Variants in RAB27A observed in about 807,000 individuals in gnomAD.
RAB27A encodes RAB27A, member RAS oncogene family.
RAB27A carries 17 observed loss-of-function variants against 20.8 expected under a neutral mutation model. The ratio of observed to expected loss-of-function variants is 0.82; its 90% CI spans 0.56 to 1.23. The LOEUF (loss-of-function observed/expected upper bound fraction) is 1.23. Among genes scored for constraint, RAB27A ranks in the 50% most tolerant of loss-of-function variants. The pLI is 0.00. For synonymous variants in RAB27A, 85 were observed against 92.8 expected, an observed-to-expected ratio of 0.92 and a Z score of 0.48; for missense variants, 277 against 266.7, an observed-to-expected ratio of 1.04 and a Z score of -0.27.
At chr15:55,211,017 G>C (rs1161084846) in intron 6 of RAB27A, among the ~76,000 whole-genome samples, 1 of 152,174 alleles carries the variant, frequency 6.6e-6, no homozygotes, top group African/African-American at 2.4e-5. Context: ...TTATTGAAGA[G>C]AATGTCCTTT....
intron 1 of RAB27A, among the ~76,000 whole-genome samples, chr15:55,316,670 T>A (rs896753275): frequency 3.9e-5 from 6 of 151,922 alleles, no homozygotes; most frequent in Non-Finnish European, 7.4e-5. Context: ...TCAAAAAAAA[T>A]TTTAACTATA....
At chr15:55,276,881 A>C (rs117670601) in intron 1 of RAB27A, among the ~76,000 whole-genome samples, 4,382 of 152,332 alleles carry the variant, frequency 0.029, 75 homozygotes, top group Non-Finnish European at 0.041. Context: ...GGTGATGGAT[A>C]CATTTATGGC....
intron 2 of RAB27A, among the ~76,000 whole-genome samples, chr15:55,311,568 T>C (rs1160366657): frequency 6.6e-6 from 1 of 152,146 alleles, no homozygotes; most frequent in East Asian, 1.9e-4. Context: ...ACTTTTTACA[T>C]AATTGTGAGT....
upstream of RAB27A, chr15:55,290,485 T>G (rs574722676): frequency 2.0e-5 from 3 of 152,280 alleles, no homozygotes; most frequent in Admixed American, 6.5e-5. Context: ...ACGGAGTCTC[T>G]GCTCACACTG....
intron 2 of RAB27A, among the ~76,000 whole-genome samples, chr15:55,311,850 T>C (rs2055022105): frequency 6.6e-6 from 1 of 152,172 alleles, no homozygotes; most frequent in African/African-American, 2.4e-5. Flanking sequence ...TTCCCATTGC[T>C]TTGGAGATCC....
intron 1 of RAB27A, among the ~76,000 whole-genome samples, chr15:55,283,820 A>T (rs1898080520): frequency 6.6e-6 from 1 of 152,216 alleles, no homozygotes; most frequent in Non-Finnish European, 1.5e-5. Context: ...TAGTACAGCA[A>T]GAACAAAAGT....
intron 1 of RAB27A, among the ~76,000 whole-genome samples, chr15:55,316,065 C>G (rs1208354704): frequency 1.3e-5 from 2 of 152,072 alleles, no homozygotes; most frequent in African/African-American, 2.4e-5. Flanking sequence ...AACCCCATCT[C>G]TACTAAAAAT....
rs756565430 is a variant in RAB27A at position 55,295,804 on chromosome 15, C to A, written c.-112+18235G>T. On this transcript the variant is annotated intron_variant, in intron 2 of 5. Coordinates refer to the RAB27A transcript ENST00000563262. ...GTATTTGCACAACATTGTGAATGTA[C>A]AAAATGTCACAGAATTGTACACTTT... is the stretch of plus-strand genomic sequence containing the variant. Among the ~76,000 whole-genome samples, 3 of 150,664 alleles carry A rather than the reference C, an allele frequency of 2.0e-5. No homozygotes were observed. The East Asian group carries it at 5.9e-4, about 30-fold the overall frequency.
At chr15:55,271,452 G>A (rs1220974026) in intron 1 of RAB27A, among the ~76,000 whole-genome samples, 1 of 152,178 alleles carries the variant, frequency 6.6e-6, no homozygotes, top group Non-Finnish European at 1.5e-5. Context: ...CACTCCAGGT[G>A]ATTCTGATAC....
At chr15:55,217,379 A>C (rs1221768865) in intron 6 of RAB27A, among the ~76,000 whole-genome samples, 1 of 152,070 alleles carries the variant, frequency 6.6e-6, no homozygotes, top group Admixed American at 6.6e-5. Context: ...ATGATGTTCC[A>C]GGCTGGAGGC....
intron 2 of RAB27A, among the ~76,000 whole-genome samples, 182 bp from the exon 3 acceptor site, chr15:55,235,138 T>A (rs1353466945): frequency 6.6e-6 from 1 of 152,136 alleles, no homozygotes; most frequent in Non-Finnish European, 1.5e-5. Flanking sequence ...ACTAGCTAGA[T>A]GAGAAGCTAT....
At chr15:55,227,690 G>A (rs1488546214) in intron 5 of RAB27A, among the ~76,000 whole-genome samples, 1 of 152,118 alleles carries the variant, frequency 6.6e-6, no homozygotes, top group Non-Finnish European at 1.5e-5. Flanking sequence ...TTTGCCCAGG[G>A]TGATTGTGAG....
At chr15:55,296,420 C>T (rs777994043) in intron 2 of RAB27A, among the ~76,000 whole-genome samples, 1 of 151,876 alleles carries the variant, frequency 6.6e-6, no homozygotes, top group East Asian at 2.0e-4. Flanking sequence ...CACTTGAACC[C>T]GGGAGGCAGA....
intron 2 of RAB27A, among the ~76,000 whole-genome samples, chr15:55,250,191 T>C (rs934697318): frequency 2.6e-5 from 4 of 152,292 alleles, no homozygotes; most frequent in Admixed American, 2.6e-4. Context: ...CTCAAACTCC[T>C]GATCTCAAGT....
At chr15:55,305,918 C>T (rs1311626544) in intron 2 of RAB27A, among the ~76,000 whole-genome samples, 1 of 152,178 alleles carries the variant, frequency 6.6e-6, no homozygotes, top group South Asian at 2.1e-4. Flanking sequence ...GCTCCAATAA[C>T]AAAAGGAAGA....
chr15:55,227,957 C>G (rs1895875444), intron 5 of RAB27A, among the ~76,000 whole-genome samples: 1 of 152,144 alleles, frequency 6.6e-6, no homozygotes, highest in Non-Finnish European at 1.5e-5. Context: ...CATTTGAAAG[C>G]TGTTATGCAG....
intron 5 of RAB27A, among the ~76,000 whole-genome samples, chr15:55,226,261 C>T (rs1307157463): frequency 1.3e-5 from 2 of 152,106 alleles, no homozygotes; most frequent in Non-Finnish European, 2.9e-5. Context: ...TTTCAGATTT[C>T]AATCCAGGCC....
chr15:55,206,192 T>C (rs1199408145), intron 6 of RAB27A: 7 of 353,752 alleles, frequency 2.0e-5, no homozygotes, highest in Admixed American at 1.3e-4. Context: ...GCCTGGGCAA[T>C]AGAGTTAGAC....
intron 6 of RAB27A, among the ~76,000 whole-genome samples, chr15:55,220,261 T>G (rs575981039): frequency 1.5e-3 from 174 of 117,384 alleles, no homozygotes; most frequent in African/African-American, 5.9e-3. Context: ...TTGTTTGTTT[T>G]TGTTTGTTTG....
Sources: allele counts gnomAD v4.1 joint callset (sites outside exome capture counted in the v4.1 genomes callset), GRCh38; gene constraint gnomAD v4.1.1; transcripts MANE v1.5; gene names NCBI Gene and HGNC (gene_info 2026-07-23, HGNC 2026-07-21).